Variants in WDR49 observed in about 807,000 individuals in gnomAD.
WDR49 encodes cilia- and flagella-associated protein 337.
A neutral mutation model predicts 119.5 loss-of-function variants in WDR49; 107 were observed. That is an observed-to-expected ratio of 0.90 (90% CI 0.77 to 1.05). The LOEUF (loss-of-function observed/expected upper bound fraction) is 1.05. Among genes scored for constraint, WDR49 ranks in the 50% least tolerant of loss-of-function variants. The probability of loss-of-function intolerance (pLI) is 0.00; values close to 1 mark genes in which losing one functional copy is unlikely to be tolerated. For synonymous variants in WDR49, 425 were observed against 418.8 expected, an observed-to-expected ratio of 1.01 and a Z score of -0.18; for missense variants, 1,240 against 1,220.5, an observed-to-expected ratio of 1.02 and a Z score of -0.24.
intron 18 of WDR49, among the ~76,000 whole-genome samples, chr3:167,491,267 A>C (rs2108199200): frequency 6.6e-6 from 1 of 152,244 alleles, no homozygotes; most frequent in Non-Finnish European, 1.5e-5. Flanking sequence ...TTTTTCTTAA[A>C]CACAAGGGGG....
intron 10 of WDR49, among the ~76,000 whole-genome samples, chr3:167,548,066 C>T (rs1379445950): frequency 4.6e-5 from 7 of 151,934 alleles, no homozygotes; most frequent in African/African-American, 1.7e-4. Context: ...GTTACCATTC[C>T]ATCTGAATAC....
intron 2 of WDR49, among the ~76,000 whole-genome samples, chr3:167,647,194 T>A (rs1718167498): frequency 6.6e-6 from 1 of 152,158 alleles, no homozygotes; most frequent in Non-Finnish European, 1.5e-5. Context: ...GCAGTAGACA[T>A]CTTTGCTTTC....
intron 2 of WDR49, among the ~76,000 whole-genome samples, chr3:167,648,283 A>C (rs1718219742): frequency 6.6e-6 from 1 of 152,192 alleles, no homozygotes; most frequent in African/African-American, 2.4e-5. Flanking sequence ...TTCAATTTTT[A>C]TTCATCATTT....
chr3:167,518,105 T>G (rs935574049), intron 16 of WDR49, among the ~76,000 whole-genome samples: 1 of 152,034 alleles, frequency 6.6e-6, no homozygotes, highest in East Asian at 1.9e-4. Flanking sequence ...GGTGTATATG[T>G]GCCACATTTT....
At chr3:167,547,488 T>C (rs1712279233) in intron 10 of WDR49, among the ~76,000 whole-genome samples, 1 of 151,738 alleles carries the variant, frequency 6.6e-6, no homozygotes, top group Non-Finnish European at 1.5e-5. Context: ...AAAGATAGAA[T>C]ACTTCTCATT....
chr3:167,594,567 G>C (rs1190888606), intron 7 of WDR49, among the ~76,000 whole-genome samples: 2 of 152,144 alleles, frequency 1.3e-5, no homozygotes, highest in African/African-American at 4.8e-5. Flanking sequence ...TCTGAAGTTG[G>C]AAATTATGTT....
At chr3:167,486,973 T>A (rs959994700) in intron 18 of WDR49, among the ~76,000 whole-genome samples, 3 of 152,026 alleles carry the variant, frequency 2.0e-5, no homozygotes, top group African/African-American at 7.2e-5. Flanking sequence ...ATCAACCACA[T>A]GCTTTCTCAC....
At position 167,536,952 on chromosome 3, in the gene WDR49, C is replaced by T; in HGVS notation, c.1872G>A (p.Gln624=). The T allele has an allele frequency of 6.3e-7, 1 of 1,590,594 alleles. No individual in the cohort carries two copies. The highest frequency in any genetic ancestry group is 8.6e-7 in the Non-Finnish European group (1 of 1,169,054). The change falls in exon 11 of 19, where the codon CAG becomes CAA. Residue 624 remains glutamine (Q), a synonymous_variant. Coordinates refer to ENST00000682715, the MANE Select transcript of WDR49 (RefSeq NM_001366157.1). ...RPQNFNQFFI[Q]PEEWKGGIQH... The stretch of plus-strand genomic sequence containing the variant: ...GTATACCTCCTTTCCATTCTTCAGG[C>T]TGGATGAAAAATTGATTGAAGTTTT...
At chr3:167,600,365 C>T (rs1353451294) in intron 7 of WDR49, among the ~76,000 whole-genome samples, 1 of 152,118 alleles carries the variant, frequency 6.6e-6, no homozygotes, top group Non-Finnish European at 1.5e-5. Flanking sequence ...GCCACACAGA[C>T]ACTGTGGTGG....
At chr3:167,634,233 C>T (rs561081212) in intron 2 of WDR49, among the ~76,000 whole-genome samples, 1 of 152,002 alleles carries the variant, frequency 6.6e-6, no homozygotes, top group Non-Finnish European at 1.5e-5. Context: ...TCTGTTAGAA[C>T]TCCTCTTCTA....
At chr3:167,495,267 G>T (rs1401331266) in intron 18 of WDR49, among the ~76,000 whole-genome samples, 2 of 151,174 alleles carry the variant, frequency 1.3e-5, no homozygotes, top group Non-Finnish European at 2.9e-5. Context: ...GGGAAAAGAT[G>T]AACAAAATGG....
At chr3:167,495,883 G>GAAAAAAAAAAAAAAAAAAAA in intron 18 of WDR49, among the ~76,000 whole-genome samples, 2 of 71,224 alleles carry the variant, frequency 2.8e-5, no homozygotes, top group Non-Finnish European at 2.7e-5. Flanking sequence ...TTAAAAATTT[G>GAAAAAAAAAAAAAAAAAAAA]AAAAAAAAAA....
intron 10 of WDR49, among the ~76,000 whole-genome samples, chr3:167,552,847 C>G (rs1429730711): frequency 6.6e-6 from 1 of 152,044 alleles, no homozygotes; most frequent in East Asian, 1.9e-4. Context: ...ACCATCCCAT[C>G]CTGCACATAA....
At chr3:167,510,780 A>G (rs1313051409) in intron 16 of WDR49, among the ~76,000 whole-genome samples, 1 of 151,944 alleles carries the variant, frequency 6.6e-6, no homozygotes, top group African/African-American at 2.4e-5. Flanking sequence ...TTTTTTCTTC[A>G]TGTTTCTTGT....
intron 7 of WDR49, among the ~76,000 whole-genome samples, chr3:167,582,783 C>T (rs1714605770): frequency 1.3e-5 from 2 of 152,072 alleles, no homozygotes; most frequent in Admixed American, 6.6e-5. Flanking sequence ...CACATCTCTA[C>T]TAAAACTACA....
chr3:167,560,801 A>G (rs967820285), intron 8 of WDR49, among the ~76,000 whole-genome samples: 8 of 149,228 alleles, frequency 5.4e-5, no homozygotes, highest in Non-Finnish European at 1.2e-4. Flanking sequence ...AAAAAAAAAG[A>G]GCACAGGTTA....
At chr3:167,508,247 CAAT>C (rs1751845274) in intron 16 of WDR49, among the ~76,000 whole-genome samples, 1 of 152,104 alleles carries the variant, frequency 6.6e-6, no homozygotes, top group African/African-American at 2.4e-5. Context: ...ACTCAGAAAC[CAAT>C]AATTTGTCAA....
intron 15 of WDR49, among the ~76,000 whole-genome samples, chr3:167,526,122 G>A (rs1168148507): frequency 6.6e-6 from 1 of 152,056 alleles, no homozygotes; most frequent in African/African-American, 2.4e-5. Context: ...CAGCTCTGAT[G>A]ACTCTTCTCC....
At chr3:167,487,411 C>A (rs1750967659) in intron 18 of WDR49, among the ~76,000 whole-genome samples, 1 of 151,898 alleles carries the variant, frequency 6.6e-6, no homozygotes, top group Admixed American at 6.6e-5. Context: ...TATAAGACCC[C>A]AAACTGGAAA....
Sources: gnomAD v4.1 joint callset for allele counts (sites outside exome capture counted in the v4.1 genomes callset) on GRCh38, gnomAD v4.1.1 for gene constraint, MANE v1.5 for transcripts, NCBI Gene and HGNC (gene_info 2026-07-23, HGNC 2026-07-21) for gene names.